The following CAMSAP2 variants were observed in gnomAD, a reference collection of about 807,000 sequenced individuals.
The protein encoded by CAMSAP2 is calmodulin regulated spectrin associated protein family member 2.
Under a neutral mutation model 146.1 loss-of-function variants are expected in CAMSAP2, and 26 were observed. That is an observed-to-expected ratio of 0.18 (90% CI 0.13 to 0.25). The LOEUF is 0.25. Among genes scored for constraint, CAMSAP2 ranks in the 10% least tolerant of loss-of-function variants. The pLI is 1.00. For missense variants in CAMSAP2, 1,381 were observed against 1,759.3 expected, an observed-to-expected ratio of 0.78 and a Z score of 3.85; for synonymous variants, 499 against 596.6, an observed-to-expected ratio of 0.84 and a Z score of 2.38.
chr1:200,806,765 G>GTGTATCTATCTATC (rs1396000266), intron 2 of CAMSAP2, among the ~76,000 whole-genome samples: 52 of 140,222 alleles, frequency 3.7e-4, no homozygotes, highest in Admixed American at 5.2e-4. Flanking sequence ...GTGTGTGTGT[G>GTGTATCTATCTATC]TATCTATCTA....
chr1:200,853,460 T>C lies in CAMSAP2; in HGVS notation c.3788T>C (p.Ile1263Thr). ...CCAAAATCTATTCACAGAGATCATA[T>C]TGAATCCCCCAAAACACCAATAAAG... ...QRPKSIHRDH[I>T]ESPKTPIKGP... is the part of the protein sequence containing the mutation. The change falls in exon 13 of 17, where the codon ATT (isoleucine) becomes ACT (threonine). Residue 1263 changes from isoleucine (I) to threonine (T), a missense_variant. Transcript: ENST00000358823. The surrounding 1 kb of genome is among the most constrained non-coding windows in gnomAD (Gnocchi z 5.1). 1 of 1,613,750 alleles carries C rather than the reference T, an allele frequency of 6.2e-7. No individual in the cohort carries two copies. Among genetic ancestry groups the C allele is most frequent in the Non-Finnish European group, 8.5e-7 (1 of 1,179,864 alleles).
intron 2 of CAMSAP2, among the ~76,000 whole-genome samples, chr1:200,800,621 T>C (rs552913762): frequency 1.1e-4 from 16 of 152,320 alleles, no homozygotes; most frequent in African/African-American, 3.6e-4. Flanking sequence ...CTATCCAATT[T>C]GTCAATCTTT....
At chr1:200,754,236 G>T (rs1213080132) in intron 1 of CAMSAP2, among the ~76,000 whole-genome samples, 3 of 152,276 alleles carry the variant, frequency 2.0e-5, no homozygotes, top group Admixed American at 1.3e-4. Flanking sequence ...GTTTGATAAG[G>T]TTCAAGTTAT....
chr1:200,817,250 A>ATGTGTGTATACACACATACACACATATG (rs1666621609), intron 4 of CAMSAP2, among the ~76,000 whole-genome samples: 1 of 10,586 alleles, frequency 9.4e-5, no homozygotes, highest in African/African-American at 3.8e-4. Context: ...ATACACACAT[A>ATGTGTGTATACACACATACACACATATG]TGTGTGTGTA....
At chr1:200,803,618 TAAA>T (rs59144711) in intron 2 of CAMSAP2, among the ~76,000 whole-genome samples, 1 of 139,448 alleles carries the variant, frequency 7.2e-6, no homozygotes. Context: ...AGTTAAGAAG[TAAA>T]AAAAAAAAAT....
At chr1:200,763,061 A>C (rs1347075791) in intron 2 of CAMSAP2, among the ~76,000 whole-genome samples, 5 of 152,076 alleles carry the variant, frequency 3.3e-5, no homozygotes, top group Non-Finnish European at 7.4e-5. Context: ...CACCATGCCC[A>C]GCTAATTTTT....
intron 11 of CAMSAP2, among the ~76,000 whole-genome samples, chr1:200,851,416 A>G (rs963545729): frequency 2.0e-5 from 3 of 152,130 alleles, no homozygotes; most frequent in Non-Finnish European, 4.4e-5. Flanking sequence ...GCTGGTCTCG[A>G]ACTCCCAACC....
chr1:200,850,246 A>C lies in CAMSAP2; in HGVS notation c.3465+12A>C. On this transcript the variant is annotated intron_variant, in intron 11 of 16. Coordinates refer to ENST00000358823, the MANE Select transcript of CAMSAP2 (RefSeq NM_203459.4). ...GATTCTTTTTTAAGGTGTAGTATTA[A>C]TCTGCATAGTTTTGGGCATCTTCAT... 6.5e-7 allele frequency: 1 copy of C among 1,544,228 alleles called. No individual in the cohort carries two copies. Among genetic ancestry groups the C allele is most frequent in the Non-Finnish European group, 8.7e-7 (1 of 1,149,740 alleles).
At chr1:200,819,584 T>G (rs1666694115) in intron 4 of CAMSAP2, among the ~76,000 whole-genome samples, 1 of 152,220 alleles carries the variant, frequency 6.6e-6, no homozygotes, top group East Asian at 1.9e-4. Context: ...AATAGCTTCA[T>G]GACCTTTACA....
At chr1:200,817,250 A>ATGTG (rs1558192364) in intron 4 of CAMSAP2, among the ~76,000 whole-genome samples, 1 of 10,594 alleles carries the variant, frequency 9.4e-5, no homozygotes, top group Non-Finnish European at 1.7e-4. Context: ...ATACACACAT[A>ATGTG]TGTGTGTGTA....
At chr1:200,757,122 A>G (rs916519812) in intron 1 of CAMSAP2, among the ~76,000 whole-genome samples, 5 of 152,208 alleles carry the variant, frequency 3.3e-5, no homozygotes, top group African/African-American at 1.2e-4. Flanking sequence ...AATAGTTATT[A>G]CCTTAGAAAC....
chr1:200,841,397 C>T (rs942376069), intron 6 of CAMSAP2, among the ~76,000 whole-genome samples: 2 of 152,142 alleles, frequency 1.3e-5, no homozygotes, highest in Middle Eastern at 3.2e-3. Context: ...CAGGCACGCG[C>T]CACCACACCC....
intron 1 of CAMSAP2, among the ~76,000 whole-genome samples, chr1:200,745,205 G>A (rs889937874): frequency 3.3e-5 from 5 of 151,922 alleles, no homozygotes; most frequent in Non-Finnish European, 5.9e-5. Flanking sequence ...GGATTTTAGC[G>A]GCATCTGTGG....
At chr1:200,833,319 GGGA>G (rs1667092704) in intron 6 of CAMSAP2, among the ~76,000 whole-genome samples, 2 of 152,090 alleles carry the variant, frequency 1.3e-5, no homozygotes, top group Non-Finnish European at 2.9e-5. Flanking sequence ...CCAGCACTTT[GGGA>G]GGAGGAGGTG....
chr1:200,745,286 A>G (rs572853678), intron 1 of CAMSAP2, among the ~76,000 whole-genome samples: 266 of 152,280 alleles, frequency 1.7e-3, no homozygotes, highest in Middle Eastern at 3.4e-3. Context: ...TGACAACCCA[A>G]AATGTCCCCA....
rs760264911 is a variant in CAMSAP2 at position 200,760,955 on chromosome 1, A to C, written c.256A>C (p.Ser86Arg). 3 of 1,614,116 alleles carry C rather than the reference A, an allele frequency of 1.9e-6. No homozygotes were observed. The South Asian group carries it at 3.3e-5, about 18-fold the overall frequency. Reference sequence around the variant, plus strand: ...GGCTGAACTATACTGTCGTGCTGGGAGTCTCATTCTCAAGAGTGATGCTGC... The same window carrying C: ...GGCTGAACTATACTGTCGTGCTGGGCGTCTCATTCTCAAGAGTGATGCTGC... ...LSAELYCRAG[S>R]LILKSDAAKP... The change falls in exon 2 of 17, where the codon AGT becomes CGT. Residue 86 changes from serine to arginine, a missense_variant. Transcript: ENST00000358823.
intron 1 of CAMSAP2, 118 bp downstream of exon 1, chr1:200,740,084 G>A: frequency 1.9e-6 from 2 of 1,070,728 alleles, no homozygotes; most frequent in Non-Finnish European, 2.7e-6. Flanking sequence ...CAGGTTAAGG[G>A]AGATGATGGG....
chr1:200,815,539 A>T (rs1291186009), intron 3 of CAMSAP2, 22 bp from the exon 4 acceptor site: 3 of 1,233,382 alleles, frequency 2.4e-6, no homozygotes, highest in African/African-American at 1.6e-5. Flanking sequence ...AAAAATTCAA[A>T]CTGATATTTT....
At chr1:200,774,173 A>C (rs1048414250) in intron 2 of CAMSAP2, among the ~76,000 whole-genome samples, 9 of 152,172 alleles carry the variant, frequency 5.9e-5, no homozygotes, top group African/African-American at 9.6e-5. Context: ...GCAGTGAAGC[A>C]GATTGTTTTT....
Sources: allele counts gnomAD v4.1 joint callset (sites outside exome capture counted in the v4.1 genomes callset), GRCh38; gene constraint gnomAD v4.1.1; non-coding constraint Gnocchi (gnomAD v3.1); transcripts MANE v1.5; gene names NCBI Gene and HGNC (gene_info 2026-07-23, HGNC 2026-07-21).